Variants in CHMP4B observed in about 807,000 individuals in gnomAD.
The protein encoded by CHMP4B is charged multivesicular body protein 4B, also known as SNF7 homolog associated with Alix 1.
In CHMP4B, 1 loss-of-function variant was observed where a neutral mutation model predicts 25.1. That is an observed-to-expected ratio of 0.04 (90% CI 0.01 to 0.19). The LOEUF (loss-of-function observed/expected upper bound fraction) is 0.19. Ranked by LOEUF, CHMP4B falls within the 10% of genes least tolerant of loss-of-function variation. The probability of loss-of-function intolerance (pLI) is 1.00; values close to 1 mark genes in which losing one functional copy is unlikely to be tolerated. For missense variants in CHMP4B, 151 were observed against 289.7 expected, an observed-to-expected ratio of 0.52 and a Z score of 3.48; for synonymous variants, 101 against 115.6, an observed-to-expected ratio of 0.87 and a Z score of 0.81.
rs1487094993 is a variant in CHMP4B at position 33,853,626 on chromosome 20, T to C, written c.*66T>C. 2.1e-6 allele frequency: 3 copies of C among 1,413,338 alleles called. No homozygotes were observed. The highest frequency in any genetic ancestry group is 1.7e-5 in the Admixed American group (1 of 59,330). The allele number at this position is 1,413,338 out of a possible 1,614,324, so 87.5% of individuals were successfully genotyped here. A position where few individuals can be genotyped will look rare whatever the true frequency, so the allele number is the denominator to read the frequency against. On this transcript the variant is annotated 3_prime_UTR_variant, in exon 5 of 5. Transcript: ENST00000217402. ...CCTGCGCAGCGAGCAGGCGTGTGCGTGTGTGGGGCAGGCAGGATGTGGTGC... is the reference window on the plus strand; with the variant it reads ...CCTGCGCAGCGAGCAGGCGTGTGCGCGTGTGGGGCAGGCAGGATGTGGTGC...
chr20:33,850,060 A>C (rs1023629709), intron 2 of CHMP4B, among the ~76,000 whole-genome samples: 3 of 152,242 alleles, frequency 2.0e-5, no homozygotes, highest in African/African-American at 7.2e-5. Context: ...TACAGGTGTG[A>C]GTCACTGTGC....
intron 1 of CHMP4B, among the ~76,000 whole-genome samples, chr20:33,841,360 T>C (rs1979535807): frequency 1.3e-5 from 2 of 152,152 alleles, no homozygotes; most frequent in South Asian, 4.1e-4. Context: ...AGGAGGCTGC[T>C]CTGGAAAAAG....
intron 2 of CHMP4B, among the ~76,000 whole-genome samples, chr20:33,850,228 CT>C (rs1979809585): frequency 6.6e-6 from 1 of 152,208 alleles, no homozygotes; most frequent in Admixed American, 6.5e-5. Flanking sequence ...GCAGAAAAAG[CT>C]TGCTGATGTT....
At chr20:33,844,373 C>T (rs1281099747) in intron 1 of CHMP4B, among the ~76,000 whole-genome samples, 5 of 152,214 alleles carry the variant, frequency 3.3e-5, no homozygotes. Context: ...AGATACTAAG[C>T]ACTTACTGTG....
chr20:33,817,693 C>G (rs578095187), intron 1 of CHMP4B, among the ~76,000 whole-genome samples: 1 of 152,322 alleles, frequency 6.6e-6, no homozygotes, highest in South Asian at 2.1e-4. Context: ...CTTATGAAAA[C>G]TTAGTCTTCT....
chr20:33,826,175 G>A (rs1216140771), intron 1 of CHMP4B, among the ~76,000 whole-genome samples: 1 of 152,184 alleles, frequency 6.6e-6, no homozygotes, highest in Non-Finnish European at 1.5e-5. Context: ...GGAGAAGGAA[G>A]GAGGAAGAAG....
At chr20:33,841,346 G>C (rs894501085) in intron 1 of CHMP4B, among the ~76,000 whole-genome samples, 4 of 152,212 alleles carry the variant, frequency 2.6e-5, no homozygotes, top group Admixed American at 6.5e-5. Context: ...ATACATCACA[G>C]AGAAGGAGGC....
rs35940987 is a variant in CHMP4B, at chr20:33,832,775, AT to A, written c.191-15674del. Among the ~76,000 whole-genome samples the A allele has an allele frequency of 7.0e-3, 965 of 138,164 alleles. 5 individuals are homozygous for A. The highest frequency in any genetic ancestry group is 0.02 in the African/African-American group (721 of 36,970). 90.6% of individuals were successfully genotyped at this position (138,164 alleles called of 152,430 possible). ...GCTCTTTATAGTTTTACAATAAATG[AT>A]TTTTTTTTTTTTTTTTTAAAGAGAC... On this transcript the variant is annotated intron_variant, in intron 1 of 4. Coordinates refer to ENST00000217402, the MANE Select transcript of CHMP4B (RefSeq NM_176812.5).
chr20:33,840,691 C>A (rs1413070562), intron 1 of CHMP4B, among the ~76,000 whole-genome samples: 1 of 152,126 alleles, frequency 6.6e-6, no homozygotes, highest in Non-Finnish European at 1.5e-5. Context: ...TTTTTCTTGT[C>A]TTTTCTTTCC....
intron 1 of CHMP4B, among the ~76,000 whole-genome samples, chr20:33,825,075 TCTGGCTAGGG>T (rs2122789331): frequency 6.6e-6 from 1 of 152,262 alleles, no homozygotes; most frequent in African/African-American, 2.4e-5. Context: ...TTTCTAGAGG[TCTGGCTAGGG>T]CTGGGAACTT....
intron 1 of CHMP4B, among the ~76,000 whole-genome samples, chr20:33,822,016 G>A (rs574369286): frequency 6.0e-4 from 91 of 151,746 alleles, no homozygotes; most frequent in African/African-American, 2.2e-3. Flanking sequence ...GTAGAGATGG[G>A]GTTTTGCCAT....
intron 1 of CHMP4B, among the ~76,000 whole-genome samples, chr20:33,832,032 A>G (rs567082831): frequency 2.0e-5 from 3 of 152,188 alleles, no homozygotes; most frequent in East Asian, 3.9e-4. Context: ...TTCCAAAAGC[A>G]TAAAAGGCTG....
chr20:33,848,568 A>G lies in CHMP4B; in HGVS notation c.292A>G (p.Asn98Asp). 1 of 1,614,176 alleles carries G rather than the reference A, an allele frequency of 6.2e-7. No homozygotes were observed. The highest frequency in any genetic ancestry group is 8.5e-7 in the Non-Finnish European group (1 of 1,180,040). Reference sequence around the variant, plus strand: ...CGAGTTCCAGCGGGAGGCCCTGGAGAATGCCAACACCAACACCGAGGTGCT... The same window carrying G: ...CGAGTTCCAGCGGGAGGCCCTGGAGGATGCCAACACCAACACCGAGGTGCT... Reference protein sequence around the residue: ...TIEFQREALENANTNTEVLKN... With the variant: ...TIEFQREALEDANTNTEVLKN... The change falls in exon 2 of 5, where the codon AAT becomes GAT. Residue 98 changes from asparagine (N) to aspartate (D), a missense_variant. Coordinates refer to ENST00000217402, the MANE Select transcript of CHMP4B (RefSeq NM_176812.5).
At chr20:33,851,981 G>A (rs1899912002) in intron 3 of CHMP4B, 96 bp from the exon 4 acceptor site, 9 of 1,519,340 alleles carry the variant, frequency 5.9e-6, no homozygotes, top group African/African-American at 2.7e-5. Context: ...TTCTCAGAGG[G>A]GTGTGTGTCT....
intron 1 of CHMP4B, among the ~76,000 whole-genome samples, chr20:33,812,970 A>G (rs768428920): frequency 3.3e-5 from 5 of 152,242 alleles, no homozygotes; most frequent in Non-Finnish European, 5.9e-5. Context: ...AGACAGAAAC[A>G]GGAAAATAAA....
intron 1 of CHMP4B, among the ~76,000 whole-genome samples, chr20:33,828,888 T>C (rs1979166705): frequency 1.3e-5 from 2 of 152,152 alleles, no homozygotes; most frequent in Non-Finnish European, 2.9e-5. Flanking sequence ...TATGAGAACA[T>C]TCCAGCACTC....
rs2747538 is a variant in CHMP4B at position 33,819,201 on chromosome 20, C to T, written c.190+7543C>T. Among the ~76,000 whole-genome samples, 1,277 of 152,194 alleles carry T rather than the reference C, an allele frequency of 8.4e-3. 14 individuals are homozygous for T. The highest frequency in any genetic ancestry group is 0.028 in the African/African-American group (1,176 of 41,526). On this transcript the variant is annotated intron_variant, in intron 1 of 4. Coordinates refer to ENST00000217402, the MANE Select transcript of CHMP4B (RefSeq NM_176812.5). ...TGCTGGGATTACAGGTGTGAGCCAC[C>T]GTGCCCGGCCAGTGTTGCTCTTAAG...
intron 1 of CHMP4B, among the ~76,000 whole-genome samples, chr20:33,842,825 C>T: frequency 6.6e-6 from 1 of 152,200 alleles, no homozygotes; most frequent in East Asian, 1.9e-4. Flanking sequence ...TTATTGGGCC[C>T]TCCTTCCCTC....
intron 3 of CHMP4B, among the ~76,000 whole-genome samples, chr20:33,851,402 T>TC (rs1979842917): frequency 6.6e-6 from 1 of 152,146 alleles, no homozygotes; most frequent in South Asian, 2.1e-4. Flanking sequence ...CACAGGATTT[T>TC]CCCTGAGACA....
Sources: gnomAD v4.1 joint callset for allele counts (sites outside exome capture counted in the v4.1 genomes callset) on GRCh38, gnomAD v4.1.1 for gene constraint, MANE v1.5 for transcripts, NCBI Gene and HGNC (gene_info 2026-07-23, HGNC 2026-07-21) for gene names.